The following VWF variants were observed in gnomAD, a reference collection of about 807,000 sequenced individuals.
VWF encodes the protein von Willebrand factor.
VWF carries 176 observed loss-of-function variants against 308.6 expected under a neutral mutation model. The observed-to-expected ratio is 0.57, with a 90% confidence interval of 0.50 to 0.65. The LOEUF is 0.65. Ranked by LOEUF, VWF falls within the 30% of genes least tolerant of loss-of-function variation. VWF has a pLI of 0.00. For missense variants in VWF, 3,146 were observed against 3,648.2 expected (o/e 0.86, Z 3.55); for synonymous variants, 1,385 against 1,443.4 (o/e 0.96, Z 0.92).
At chr12:6,036,257 G>C in intron 19 of VWF, 131 bp downstream of exon 19, 1 of 759,604 alleles carries the variant, frequency 1.3e-6, no homozygotes, top group South Asian at 1.4e-5. Flanking sequence ...ACACAGGCAC[G>C]GAGGAAAGGC....
At chr12:6,123,805 G>C (rs1945458189) in intron 1 of VWF, among the ~76,000 whole-genome samples, 1 of 152,174 alleles carries the variant, frequency 6.6e-6, no homozygotes, top group Non-Finnish European at 1.5e-5. Flanking sequence ...AAATGGACAG[G>C]AGTCCAGCGG....
intron 6 of VWF, among the ~76,000 whole-genome samples, chr12:6,076,965 T>G (rs1346314360): frequency 6.6e-6 from 1 of 152,218 alleles, no homozygotes; most frequent in East Asian, 1.9e-4. Context: ...CCCCAATGCC[T>G]GGTGCTAGGG....
At chr12:6,000,758 G>A (rs1943862971) in intron 34 of VWF, among the ~76,000 whole-genome samples, 1 of 140,628 alleles carries the variant, frequency 7.1e-6, no homozygotes, top group Admixed American at 8.2e-5. Context: ...CTTGCAGTGA[G>A]CCGAGATCGC....
intron 5 of VWF, among the ~76,000 whole-genome samples, chr12:6,103,672 C>A (rs1470629036): frequency 6.6e-6 from 1 of 151,794 alleles, no homozygotes; most frequent in Non-Finnish European, 1.5e-5. Flanking sequence ...AAAGGACACC[C>A]TCTTCAACAA....
At chr12:6,104,503 T>C (rs1229597526) in intron 5 of VWF, among the ~76,000 whole-genome samples, 1 of 150,960 alleles carries the variant, frequency 6.6e-6, no homozygotes, top group Admixed American at 6.6e-5. Context: ...CTGGCCAACA[T>C]GGTGAAACCC....
At chr12:6,003,209 G>C (rs964762777) in intron 34 of VWF, among the ~76,000 whole-genome samples, 1 of 152,190 alleles carries the variant, frequency 6.6e-6, no homozygotes, top group African/African-American at 2.4e-5. Context: ...ATCTTAGTTT[G>C]TGACTTCACT....
intron 10 of VWF, among the ~76,000 whole-genome samples, chr12:6,068,422 A>G (rs528651895): frequency 6.6e-6 from 1 of 151,976 alleles, no homozygotes; most frequent in Non-Finnish European, 1.5e-5. Flanking sequence ...ACCAGATGCA[A>G]ATTGTCACCA....
intron 5 of VWF, among the ~76,000 whole-genome samples, chr12:6,099,324 A>G (rs1379255812): frequency 3.2e-5 from 4 of 126,542 alleles, no homozygotes; most frequent in Non-Finnish European, 6.3e-5. Flanking sequence ...ATCTCAAAAA[A>G]AAAAAAAAAA....
chr12:6,029,867 T>C (rs933196425), intron 21 of VWF, among the ~76,000 whole-genome samples: 1 of 152,232 alleles, frequency 6.6e-6, no homozygotes, highest in African/African-American at 2.4e-5. Context: ...CTCTAGTTGA[T>C]TGTTTAAAAA....
In VWF at chr12:6,121,074, C is replaced by T. The variant is rs376907379; in HGVS notation, c.220+100G>A. The T allele has an allele frequency of 2.5e-4, 377 of 1,525,546 alleles. 2 individuals are homozygous for T. The African/African-American group carries it at 4.0e-3, about 16-fold the overall frequency. 94.5% of individuals were successfully genotyped at this position (1,525,546 alleles called of 1,614,324 possible). On this transcript the variant is annotated intron_variant, in intron 3 of 51. Coordinates refer to ENST00000261405, the MANE Select transcript of VWF (RefSeq NM_000552.5). ...TCCTTGTTCTCAGCAGTGACCTTTC[C>T]GCTCAGACACTGTCCTGAGAGCAGG...
chr12:5,985,634 G>A lies in VWF; in HGVS notation c.6830C>T (p.Pro2277Leu). Residue 2277 changes from proline (P) to leucine (L), a missense_variant, in exon 39 of 52, where the codon CCC becomes CTC. By Grantham distance (98) the Pro-to-Leu change is moderately conservative. Around this residue, in one of 3 missense-constraint regions of VWF, gnomAD observed 989 missense variants for 1,117.4 expected, o/e 0.89. Coordinates refer to ENST00000261405, the MANE Select transcript of VWF (RefSeq NM_000552.5). Reference protein sequence around the residue: ...FLEAWVPDHQPCQICTCLSGR... With the variant: ...FLEAWVPDHQLCQICTCLSGR... ...GCTGAGGCATGTGCAGATCTGACAG[G>A]GCTGGTGGTCCGGGACCCAGGCTTC... is the stretch of plus-strand genomic sequence containing the variant. 6.2e-7 allele frequency: 1 copy of A among 1,614,140 alleles called. No homozygotes were observed. Among genetic ancestry groups the A allele is most frequent in the Middle Eastern group, 1.6e-4 (1 of 6,062 alleles).
intron 47 of VWF, among the ~76,000 whole-genome samples, chr12:5,955,220 T>C (rs10849360): frequency 0.62 from 90,317 of 144,718 alleles, 28,475 homozygotes; most frequent in African/African-American, 0.81. Flanking sequence ...CAGGCAGGAA[T>C]TTTTTTTTTA....
At chr12:6,035,332 C>G (rs145971491) in intron 19 of VWF, among the ~76,000 whole-genome samples, 1 of 152,300 alleles carries the variant, frequency 6.6e-6, no homozygotes, top group East Asian at 1.9e-4. Context: ...CATAGCTACA[C>G]GTTAAGATGT....
At chr12:5,961,234 T>C (rs1943311108) in intron 47 of VWF, among the ~76,000 whole-genome samples, 2 of 152,204 alleles carry the variant, frequency 1.3e-5, no homozygotes, top group South Asian at 2.1e-4. Context: ...ACAATAATAA[T>C]AGAAATAAGG....
intron 6 of VWF, among the ~76,000 whole-genome samples, chr12:6,092,616 A>AGTGT (rs796249343): frequency 1.0e-5 from 1 of 96,622 alleles, no homozygotes; most frequent in Non-Finnish European, 2.1e-5. Flanking sequence ...TGAGTGAGTG[A>AGTGT]GAGTGTGTGT....
intron 3 of VWF, among the ~76,000 whole-genome samples, chr12:6,113,297 CT>C (rs56714638): frequency 0.14 from 18,884 of 138,636 alleles, 1,345 homozygotes; most frequent in African/African-American, 0.26. Flanking sequence ...CGTAGAGAAA[CT>C]TTTTTTTTTT....
At chr12:6,051,515 C>T (rs547576292) in intron 16 of VWF, among the ~76,000 whole-genome samples, 45 of 152,264 alleles carry the variant, frequency 3.0e-4, no homozygotes, top group African/African-American at 1.0e-3. Context: ...ACCTCGTGAT[C>T]CGCCCACCTC....
At chr12:5,999,654 T>C (rs1440112859) in intron 34 of VWF, among the ~76,000 whole-genome samples, 1 of 152,136 alleles carries the variant, frequency 6.6e-6, no homozygotes, top group African/African-American at 2.4e-5. Flanking sequence ...ACTCCTCATC[T>C]AATGAAAATT....
intron 45 of VWF, among the ~76,000 whole-genome samples, 175 bp downstream of exon 45, chr12:5,969,036 A>G (rs1943437968): frequency 6.6e-6 from 1 of 152,158 alleles, no homozygotes; most frequent in Non-Finnish European, 1.5e-5. Flanking sequence ...GGAAATTCCT[A>G]TGGTTTTCCC....
Sources: allele counts gnomAD v4.1 joint callset (sites outside exome capture counted in the v4.1 genomes callset), GRCh38; gene constraint gnomAD v4.1.1; regional missense constraint gnomAD v4.1.1; transcripts MANE v1.5; gene names NCBI Gene and HGNC (gene_info 2026-07-23, HGNC 2026-07-21).